The following PCNX2 variants were observed in gnomAD, a reference collection of about 807,000 sequenced individuals.
The protein encoded by PCNX2 is pecanex-like protein 2.
Under a neutral mutation model 223.8 loss-of-function variants are expected in PCNX2, and 168 were observed. That is an observed-to-expected ratio of 0.75 (90% CI 0.66 to 0.85). The LOEUF is 0.85. Among genes scored for constraint, PCNX2 ranks in the 40% least tolerant of loss-of-function variants. The pLI is 0.00. For missense variants in PCNX2, 2,507 were observed against 2,675.5 expected, an observed-to-expected ratio of 0.94 and a Z score of 1.39; for synonymous variants, 1,006 against 1,052.6, an observed-to-expected ratio of 0.96 and a Z score of 0.86.
the PCNX2 span, among the ~76,000 whole-genome samples, chr1:233,310,363 A>C: frequency 1.3e-5 from 2 of 152,258 alleles, no homozygotes; most frequent in Admixed American, 1.3e-4. Flanking sequence ...AAAAAGGGAA[A>C]AAATACTAGT....
intron 8 of PCNX2, among the ~76,000 whole-genome samples, chr1:233,243,910 C>T (rs540179402): frequency 3.3e-5 from 5 of 152,146 alleles, no homozygotes; most frequent in Non-Finnish European, 7.3e-5. Flanking sequence ...CGGCTCACCA[C>T]AACCTCCGCC....
intron 1 of PCNX2, chr1:233,289,503 C>T (rs1010812551): frequency 2.6e-6 from 2 of 759,440 alleles, no homozygotes; most frequent in African/African-American, 3.5e-5. Context: ...AGAAGGATGC[C>T]TTTTAAGCAA....
intron 1 of PCNX2, among the ~76,000 whole-genome samples, chr1:233,266,793 T>C (rs771582769): frequency 2.0e-5 from 3 of 152,222 alleles, no homozygotes; most frequent in Non-Finnish European, 2.9e-5. Flanking sequence ...CAACATCATA[T>C]CCTTGGCCAA....
chr1:233,000,300 C>T lies in PCNX2; in HGVS notation c.5328+5G>A. 1.2e-6 allele frequency: 2 copies of T among 1,613,804 alleles called. No homozygotes were observed. Among genetic ancestry groups the T allele is most frequent in the Non-Finnish European group, 1.7e-6 (2 of 1,179,786 alleles). On this transcript the variant is annotated splice_donor_5th_base_variant and intron_variant, in intron 30 of 33. Transcript: ENST00000258229. This position sits in a 1 kb window ranked among gnomAD's most constrained non-coding sequence, Gnocchi z 4.6. Reference sequence around the variant, plus strand: ...CAGGGGACCCAGAAAGTGTGGCCGCCATACCTTGATCACCTTGAAGCTCAG... The same window carrying T: ...CAGGGGACCCAGAAAGTGTGGCCGCTATACCTTGATCACCTTGAAGCTCAG...
At chr1:233,148,296 A>C (rs1165915394) in intron 19 of PCNX2, among the ~76,000 whole-genome samples, 1 of 152,200 alleles carries the variant, frequency 6.6e-6, no homozygotes, top group Non-Finnish European at 1.5e-5. Flanking sequence ...AAAGGTGAGG[A>C]AACAAGTTAA....
chr1:233,166,443 AC>A (rs1678801710), intron 17 of PCNX2, among the ~76,000 whole-genome samples: 1 of 131,386 alleles, frequency 7.6e-6, no homozygotes, highest in Admixed American at 7.8e-5. Flanking sequence ...AAAGACACTT[AC>A]AAAAAGGCAA....
At chr1:233,152,882 T>C (rs1677900585) in intron 19 of PCNX2, among the ~76,000 whole-genome samples, 1 of 152,190 alleles carries the variant, frequency 6.6e-6, no homozygotes, top group East Asian at 1.9e-4. Flanking sequence ...TCTTCTTCGA[T>C]TGATTTTATA....
At position 233,048,397 on chromosome 1, in the gene PCNX2, C is replaced by T. The variant is rs151092014; in HGVS notation, c.4351+5871G>A. Among the ~76,000 whole-genome samples, 462 of 152,278 alleles carry T rather than the reference C, an allele frequency of 3.0e-3. 5 individuals carry two copies. Among genetic ancestry groups the T allele is most frequent in the East Asian group, 0.019 (100 of 5,174 alleles). The stretch of plus-strand genomic sequence containing the variant: ...ACTTGAGCCTGGGAGGCAGATGTTG[C>T]AGTGAGCCAAGATTGTGCCACTGCA... On this transcript the variant is annotated intron_variant, in intron 25 of 33. Coordinates refer to ENST00000258229, the MANE Select transcript of PCNX2 (RefSeq NM_014801.4).
chr1:233,303,382 G>C, the PCNX2 span, among the ~76,000 whole-genome samples: 1 of 152,074 alleles, frequency 6.6e-6, no homozygotes, highest in Non-Finnish European at 1.5e-5. Flanking sequence ...GGGTGTGGTG[G>C]TGTGTGCCTG....
In PCNX2 at chr1:233,099,370, G is replaced by C. The variant is rs972856878; in HGVS notation, c.3838-3507C>G. 5.7e-4 allele frequency among the ~76,000 whole-genome samples: 87 copies of C among 152,230 alleles called. 1 individual carries two copies. The highest frequency in any genetic ancestry group is 1.9e-3 in the African/African-American group (79 of 41,530). On this transcript the variant is annotated intron_variant, in intron 21 of 33. Transcript: ENST00000258229. ...TCAGAAAAATTATGGCTGCAGCCACGTTCTTTCAGGTACACAGTAAAAAAG... is the reference window on the plus strand; with the variant it reads ...TCAGAAAAATTATGGCTGCAGCCACCTTCTTTCAGGTACACAGTAAAAAAG...
At chr1:233,179,924 G>C (rs968085342) in intron 15 of PCNX2, among the ~76,000 whole-genome samples, 1 of 152,180 alleles carries the variant, frequency 6.6e-6, no homozygotes, top group Non-Finnish European at 1.5e-5. Context: ...TAAGCTATTA[G>C]CAAATAGGGT....
chr1:232,994,889 C>T lies in PCNX2; in HGVS notation c.5791+3362G>A, dbSNP rs182695728. On this transcript the variant is annotated intron_variant, in intron 32 of 33. Coordinates refer to ENST00000258229, the MANE Select transcript of PCNX2 (RefSeq NM_014801.4). ...CATAATTGTAAGTTTCTTGAGGTCC[C>T]CCCAGCCATGCAGAACTGTGAGTCA... Among the ~76,000 whole-genome samples the T allele has an allele frequency of 5.3e-5, 8 of 152,288 alleles. No homozygotes were observed. In the East Asian group the frequency reaches 1.5e-3, roughly 29 times the overall value.
At position 233,295,663 on chromosome 1, in the gene PCNX2, C is replaced by A. The variant is rs1397988558; in HGVS notation, c.-185G>T. 2.4e-5 allele frequency: 15 copies of A among 620,996 alleles called. No homozygotes were observed. Among genetic ancestry groups the A allele is most frequent in the Non-Finnish European group, 3.5e-5 (15 of 432,408 alleles). 38.5% of individuals were successfully genotyped at this position (620,996 alleles called of 1,614,324 possible). On this transcript the variant is annotated 5_prime_UTR_variant, in exon 1 of 34. Transcript: ENST00000258229. The surrounding 1 kb of genome is among the most constrained non-coding windows in gnomAD (Gnocchi z 4.1). ...CTGGAGCTGCTCTTCCGCCCGGACC[C>A]GCGAACCGCGGCGCCGGAGCCGGCT... is the stretch of plus-strand genomic sequence containing the variant.
chr1:233,070,232 C>CA (rs1672794304), intron 23 of PCNX2, among the ~76,000 whole-genome samples: 2 of 152,152 alleles, frequency 1.3e-5, no homozygotes, highest in South Asian at 4.2e-4. Flanking sequence ...GAAACTCCCC[C>CA]CAAAATGAAT....
intron 12 of PCNX2, among the ~76,000 whole-genome samples, chr1:233,211,487 T>G (rs1284906185): frequency 6.6e-6 from 1 of 152,202 alleles, no homozygotes; most frequent in Admixed American, 6.5e-5. Context: ...AATGTTTGTC[T>G]GGCCTTTCCT....
intron 19 of PCNX2, among the ~76,000 whole-genome samples, chr1:233,156,208 C>T (rs1388493410): frequency 1.3e-5 from 2 of 152,188 alleles, no homozygotes; most frequent in African/African-American, 4.8e-5. Flanking sequence ...TATGTTTCAA[C>T]ATGCAGTCTT....
At chr1:233,322,945 ACAC>A in the PCNX2 span, among the ~76,000 whole-genome samples, 13,869 of 152,196 alleles carry the variant, frequency 0.091, 678 homozygotes, top group South Asian at 0.12. Context: ...TCAGAGCAAC[ACAC>A]CAATAAATTA....
the PCNX2 span, among the ~76,000 whole-genome samples, chr1:233,312,666 A>G: frequency 6.6e-6 from 1 of 152,220 alleles, no homozygotes; most frequent in Admixed American, 6.5e-5. Flanking sequence ...ATCCATAACT[A>G]CACTCAATCA....
intron 9 of PCNX2, chr1:233,232,868 T>C (rs1658152939): frequency 1.0e-6 from 1 of 985,208 alleles, no homozygotes; most frequent in East Asian, 1.1e-4. Flanking sequence ...CTATCCATAA[T>C]GATAATAATA....
Sources: allele counts gnomAD v4.1 joint callset (sites outside exome capture counted in the v4.1 genomes callset), GRCh38; gene constraint gnomAD v4.1.1; non-coding constraint Gnocchi (gnomAD v3.1); transcripts MANE v1.5; gene names NCBI Gene and HGNC (gene_info 2026-07-23, HGNC 2026-07-21).